OTUD7A: variants seen among roughly 807,000 people sequenced by gnomAD.
OTUD7A encodes the protein OTU deubiquitinase 7A.
OTUD7A carries 12 observed loss-of-function variants against 65.7 expected under a neutral mutation model. That is an observed-to-expected ratio of 0.18 (90% CI 0.12 to 0.30). The LOEUF (loss-of-function observed/expected upper bound fraction) is 0.30. OTUD7A is among the 10% of genes least tolerant of loss of function. The pLI, the probability that OTUD7A is intolerant of heterozygous loss-of-function variation, is 1.00. For missense variants in OTUD7A, 1,148 were observed against 1,304.8 expected (o/e 0.88, Z 1.85); for synonymous variants, 641 against 586.3 (o/e 1.09, Z -1.35).
intron 3 of OTUD7A, among the ~76,000 whole-genome samples, chr15:31,577,435 T>C (rs959542461): frequency 6.6e-6 from 1 of 152,222 alleles, no homozygotes; most frequent in Non-Finnish European, 1.5e-5. Flanking sequence ...AAAATCTCTC[T>C]GAATCCACCT....
chr15:31,570,485 AC>A (rs1342846038), intron 3 of OTUD7A, among the ~76,000 whole-genome samples: 4 of 142,522 alleles, frequency 2.8e-5, no homozygotes, highest in Non-Finnish European at 4.6e-5. Context: ...ACACACACAC[AC>A]ATCTAAACAC....
intron 1 of OTUD7A, among the ~76,000 whole-genome samples, chr15:31,823,563 T>G (rs1158235108): frequency 6.6e-6 from 1 of 152,210 alleles, no homozygotes; most frequent in African/African-American, 2.4e-5. Context: ...TAGGTAAGCG[T>G]AAAGTTAGCA....
At chr15:31,783,195 A>G (rs914419827) in intron 1 of OTUD7A, among the ~76,000 whole-genome samples, 1 of 152,198 alleles carries the variant, frequency 6.6e-6, no homozygotes, top group Non-Finnish European at 1.5e-5. Flanking sequence ...CAAAGGAAAG[A>G]ATTTCTCAGC....
intron 1 of OTUD7A, chr15:31,767,514 A>G (rs1895122106): frequency 3.9e-6 from 3 of 771,884 alleles, no homozygotes; most frequent in Non-Finnish European, 7.3e-6. Context: ...GTTTTGTAGT[A>G]TAACTACTCC....
chr15:31,509,151 A>G (rs1484432894), intron 8 of OTUD7A, among the ~76,000 whole-genome samples: 2 of 152,088 alleles, frequency 1.3e-5, no homozygotes, highest in African/African-American at 4.8e-5. Flanking sequence ...CTTAAAGAGC[A>G]GGTTAGTGCT....
intron 3 of OTUD7A, among the ~76,000 whole-genome samples, chr15:31,583,876 T>C (rs115747759): frequency 0.033 from 4,967 of 152,194 alleles, 269 homozygotes; most frequent in African/African-American, 0.11. Flanking sequence ...GCAGTTGCAC[T>C]GGTTGTGTAA....
rs900819009 is a variant in OTUD7A, at chr15:31,498,707, C to T, written c.1171+2983G>A. 2.6e-5 allele frequency among the ~76,000 whole-genome samples: 4 copies of T among 152,180 alleles called. No individual in the cohort carries two copies. Among genetic ancestry groups the T allele is most frequent in the African/African-American group, 9.7e-5 (4 of 41,420 alleles). On this transcript the variant is annotated intron_variant, in intron 10 of 12. Transcript: ENST00000307050. The surrounding 1 kb of genome is among the most constrained non-coding windows in gnomAD (Gnocchi z 4.2). ...CCTGCAAAAAGCTGAAGGCCCAAGG[C>T]TCAGGTTGTCAGGGAGCAAATGACT... is the stretch of plus-strand genomic sequence containing the variant.
chr15:31,488,444 G>T (rs528082654), intron 10 of OTUD7A, among the ~76,000 whole-genome samples: 1 of 152,140 alleles, frequency 6.6e-6, no homozygotes, highest in South Asian at 2.1e-4. Context: ...CTAGTGACAC[G>T]GTTGACTCCT....
At chr15:31,829,460 G>A (rs1157440434) in intron 1 of OTUD7A, among the ~76,000 whole-genome samples, 6 of 152,344 alleles carry the variant, frequency 3.9e-5, no homozygotes, top group Non-Finnish European at 7.3e-5. Flanking sequence ...ACTACTGGGT[G>A]AAAGCTCCAG....
rs749384931 is a variant in OTUD7A at position 31,484,032 on chromosome 15, G to A, written c.2064C>T (p.Ala688=). Residue 688 remains alanine (A), a synonymous_variant, in exon 13 of 13, where the codon GCC becomes GCT. Coordinates refer to ENST00000307050, the MANE Select transcript of OTUD7A (RefSeq NM_001382637.1). The surrounding 1 kb of genome is among the most constrained non-coding windows in gnomAD (Gnocchi z 4.5). ...QRRRDAATAA[A]AAAAAAAATA... Reference sequence around the variant, plus strand: ...TGGCGGCGGCGGCGGCGGCGGCAGCGGCGGCCGCAGTAGCGGCGTCGCGGC... The same window carrying A: ...TGGCGGCGGCGGCGGCGGCGGCAGCAGCGGCCGCAGTAGCGGCGTCGCGGC... The A allele has an allele frequency of 6.2e-5, 78 of 1,252,260 alleles. No homozygotes were observed. In the African/African-American group the frequency reaches 6.9e-4, roughly 11 times the overall value. The allele number at this position is 1,252,260 out of a possible 1,614,324, so 77.6% of individuals were successfully genotyped here. A position where few individuals can be genotyped will look rare whatever the true frequency, so the allele number is the denominator to read the frequency against.
intron 4 of OTUD7A, among the ~76,000 whole-genome samples, chr15:31,566,535 T>C (rs1200604896): frequency 1.3e-5 from 2 of 152,146 alleles, no homozygotes; most frequent in Admixed American, 1.3e-4. Flanking sequence ...AAGACACCAT[T>C]TTCCACTCTT....
At chr15:31,701,404 A>G (rs560492835) in intron 1 of OTUD7A, among the ~76,000 whole-genome samples, 2 of 150,538 alleles carry the variant, frequency 1.3e-5, no homozygotes, top group Admixed American at 1.3e-4. Context: ...AAGTTATTAT[A>G]ATTTAAAAAT....
chr15:31,501,673 T>C lies in OTUD7A; in HGVS notation c.1171+17A>G, dbSNP rs1300724243. On this transcript the variant is annotated intron_variant, in intron 10 of 12. Transcript: ENST00000307050. ...ACCCTAGGCTCCTGCGTGCACTCTC[T>C]TGGGAGACAGGCATACCTTGTTCTC... The C allele has an allele frequency of 1.2e-6, 2 of 1,614,112 alleles. No homozygotes were observed. The highest frequency in any genetic ancestry group is 1.1e-5 in the South Asian group (1 of 91,084).
At chr15:31,638,071 A>G (rs1169573223) in intron 3 of OTUD7A, among the ~76,000 whole-genome samples, 1 of 152,262 alleles carries the variant, frequency 6.6e-6, no homozygotes, top group Non-Finnish European at 1.5e-5. Flanking sequence ...ATCAAATAGC[A>G]TCACACATGC....
chr15:31,771,355 C>T (rs996770250), intron 1 of OTUD7A, among the ~76,000 whole-genome samples: 2 of 152,174 alleles, frequency 1.3e-5, no homozygotes, highest in Non-Finnish European at 2.9e-5. Context: ...GATAGAAATA[C>T]CGACTTTACT....
At chr15:31,622,378 C>A (rs1045546870) in intron 3 of OTUD7A, among the ~76,000 whole-genome samples, 2 of 152,174 alleles carry the variant, frequency 1.3e-5, no homozygotes, top group African/African-American at 4.8e-5. Context: ...TGGTTCCATT[C>A]GCCCCCTCAC....
intron 5 of OTUD7A, among the ~76,000 whole-genome samples, chr15:31,542,545 C>T (rs934889324): frequency 2.0e-5 from 3 of 151,950 alleles, no homozygotes; most frequent in Middle Eastern, 6.8e-3. Flanking sequence ...CTAACATTGT[C>T]CAATCAAAAT....
intron 1 of OTUD7A, among the ~76,000 whole-genome samples, chr15:31,774,543 A>G (rs1895320601): frequency 6.6e-6 from 1 of 152,240 alleles, no homozygotes; most frequent in Admixed American, 6.5e-5. Flanking sequence ...ATAAAGCTCC[A>G]GCTCCAGCAC....
chr15:31,854,912 T>A (rs141934615), intron 1 of OTUD7A, among the ~76,000 whole-genome samples: 5 of 150,616 alleles, frequency 3.3e-5, no homozygotes, highest in African/African-American at 1.2e-4. Flanking sequence ...TTAAAATAAA[T>A]GGAATAGGGA....
Sources: gnomAD v4.1 joint callset for allele counts (sites outside exome capture counted in the v4.1 genomes callset) on GRCh38, gnomAD v4.1.1 for gene constraint, Gnocchi (gnomAD v3.1) non-coding constraint, MANE v1.5 for transcripts, NCBI Gene and HGNC (gene_info 2026-07-23, HGNC 2026-07-21) for gene names.